Variants in SLC9A3 observed in about 807,000 individuals in gnomAD.
The protein encoded by SLC9A3 is solute carrier family 9 member A3.
SLC9A3 carries 37 observed loss-of-function variants against 86.8 expected under a neutral mutation model. The ratio of observed to expected loss-of-function variants is 0.43; its 90% CI spans 0.33 to 0.56. The LOEUF is 0.56. SLC9A3 is among the 20% of genes least tolerant of loss of function. The pLI is 0.06. For missense variants in SLC9A3, 1,011 were observed against 1,171.9 expected (o/e 0.86, Z 2.00); for synonymous variants, 581 against 528.3 (o/e 1.10, Z -1.37).
At chr5:516,385 G>A (rs1431187265) in intron 1 of SLC9A3, among the ~76,000 whole-genome samples, 1 of 152,130 alleles carries the variant, frequency 6.6e-6, no homozygotes, top group Non-Finnish European at 1.5e-5. Flanking sequence ...GGGCTACCTC[G>A]ATAAGACGGA....
intron 5 of SLC9A3, 25 bp downstream of exon 5, chr5:484,495 G>GCT: frequency 1.2e-6 from 2 of 1,609,968 alleles, no homozygotes; most frequent in Non-Finnish European, 1.7e-6. Context: ...GCGTGGAGAA[G>GCT]CTCGCGTGTG....
rs763891988 is a variant in SLC9A3 at position 482,602 on chromosome 5, C to T, written c.1302G>A (p.Lys434=). 6 of 1,612,888 alleles carry T rather than the reference C, an allele frequency of 3.7e-6. No homozygotes were observed. In the Admixed American group the frequency reaches 5.0e-5, roughly 13 times the overall value. Residue 434 remains lysine (K), a synonymous_variant, in exon 7 of 17, where the codon AAG becomes AAA. Coordinates refer to ENST00000264938, the MANE Select transcript of SLC9A3 (RefSeq NM_004174.4). Reference sequence around the variant, plus strand: ...TGATGGTGGTGCTGACGAACAGGTTCTTCTCCTTGACCTTGTCTCCATCCA... The same window carrying T: ...TGATGGTGGTGCTGACGAACAGGTTTTTCTCCTTGACCTTGTCTCCATCCA... ...VLLDGDKVKE[K]NLFVSTTIIV...
At position 514,290 on chromosome 5, in the gene SLC9A3, A is replaced by G. The variant is rs191022317; in HGVS notation, c.211+9822T>C. 2.1e-3 allele frequency among the ~76,000 whole-genome samples: 319 copies of G among 152,110 alleles called. 1 individual carries two copies. The highest frequency in any genetic ancestry group is 4.8e-3 in the Admixed American group (73 of 15,296). The stretch of plus-strand genomic sequence containing the variant: ...TTCACACACTCCCTCTTCCTCCCTG[A>G]CCTGAGGTCTCCCAGGCTCTGTGCC... On this transcript the variant is annotated intron_variant, in intron 1 of 16. Coordinates refer to ENST00000264938, the MANE Select transcript of SLC9A3 (RefSeq NM_004174.4).
rs1489890557 is a variant in SLC9A3, at chr5:482,583, T to C, written c.1321A>G (p.Thr441Ala). Residue 441 changes from threonine (T) to alanine (A), a missense_variant, in exon 7 of 17, where the codon ACC becomes GCC. Coordinates refer to ENST00000264938, the MANE Select transcript of SLC9A3 (RefSeq NM_004174.4). The stretch of plus-strand genomic sequence containing the variant: ...ACGGTGAAGAACACTACGATGATGG[T>C]GGTGCTGACGAACAGGTTCTTCTCC... ...VKEKNLFVSTTIIVVFFTVIF... is the reference protein window; with the variant it reads ...VKEKNLFVSTAIIVVFFTVIF... 1 of 1,612,808 alleles carries C rather than the reference T, an allele frequency of 6.2e-7. No individual in the cohort carries two copies. Among genetic ancestry groups the C allele is most frequent in the Non-Finnish European group, 8.5e-7 (1 of 1,179,858 alleles).
At chr5:475,788 A>G in intron 14 of SLC9A3, 117 bp from the exon 15 acceptor site, 3 of 714,238 alleles carry the variant, frequency 4.2e-6, no homozygotes, top group Middle Eastern at 2.5e-4. Flanking sequence ...ACCCACAGAG[A>G]GGAGGGCTAA....
chr5:482,495 G>A lies in SLC9A3; in HGVS notation c.1356+53C>T. On this transcript the variant is annotated intron_variant, in intron 7 of 16. Transcript: ENST00000264938. The stretch of plus-strand genomic sequence containing the variant: ...TGCTTGTCCTGAAGTGCGGGCCCAG[G>A]CTCCCCTCGCGGGCGGGGCCGAGAC... The A allele has an allele frequency of 2.8e-6, 4 of 1,451,564 alleles. No homozygotes were observed. In the South Asian group the frequency reaches 4.8e-5, roughly 17 times the overall value. 89.9% of individuals were successfully genotyped at this position (1,451,564 alleles called of 1,614,324 possible). A position where few individuals can be genotyped will look rare whatever the true frequency, so the allele number is the denominator to read the frequency against.
In SLC9A3 at chr5:472,557, G is replaced by A. The variant is rs1738420844; in HGVS notation, c.*822C>T. 5.7e-6 allele frequency: 2 copies of A among 348,726 alleles called. No homozygotes were observed. Among genetic ancestry groups the A allele is most frequent in the East Asian group, 9.3e-5 (1 of 10,784 alleles). The allele number at this position is 348,726 out of a possible 1,614,324, so 21.6% of individuals were successfully genotyped here. ...TCTGTGGGGACGGGCCGTGTCCGGG[G>A]CCGCCACCCTGAGACCGGGCGCGGG... On this transcript the variant is annotated 3_prime_UTR_variant, in exon 17 of 17. Coordinates refer to ENST00000264938, the MANE Select transcript of SLC9A3 (RefSeq NM_004174.4).
intron 1 of SLC9A3, among the ~76,000 whole-genome samples, chr5:494,484 C>T (rs910325359): frequency 2.6e-5 from 4 of 152,242 alleles, no homozygotes; most frequent in African/African-American, 7.2e-5. Flanking sequence ...ACACTAAGGG[C>T]TCCGAGGCCT....
chr5:476,581 G>A lies in SLC9A3; in HGVS notation c.1852C>T (p.His618Tyr). 6.2e-7 allele frequency: 1 copy of A among 1,611,458 alleles called. No individual in the cohort carries two copies. Among genetic ancestry groups the A allele is most frequent in the Non-Finnish European group, 8.5e-7 (1 of 1,179,874 alleles). Residue 618 changes from histidine (H) to tyrosine (Y), a missense_variant, in exon 12 of 17, where the codon CAC (histidine) becomes TAC (tyrosine). Coordinates refer to ENST00000264938, the MANE Select transcript of SLC9A3 (RefSeq NM_004174.4). ...IRDAEDMVTHHTLQQYLYKPR... is the reference protein window; with the variant it reads ...IRDAEDMVTHYTLQQYLYKPR... ...TTGTACAGGTACTGCTGTAGCGTGT[G>A]GTGCGTGACCATGTCCTCCGCGTCC...
At chr5:523,953 C>A (rs937300502) in intron 1 of SLC9A3, among the ~76,000 whole-genome samples, 159 bp downstream of exon 1, 2 of 152,064 alleles carry the variant, frequency 1.3e-5, no homozygotes, top group African/African-American at 4.8e-5. Flanking sequence ...CGGCCAGAGT[C>A]GCTCCCGAGT....
At position 497,997 on chromosome 5, in the gene SLC9A3, C is replaced by T. The variant is rs1156263409; in HGVS notation, c.212-5926G>A. ...CTCGCTTGTGGGAGTCCCTGCCTCACGGATGCCGGCCTCCTGCCTCGGCCA... is the reference window on the plus strand; with the variant it reads ...CTCGCTTGTGGGAGTCCCTGCCTCATGGATGCCGGCCTCCTGCCTCGGCCA... On this transcript the variant is annotated intron_variant, in intron 1 of 16. Coordinates refer to ENST00000264938, the MANE Select transcript of SLC9A3 (RefSeq NM_004174.4). The surrounding 1 kb of genome is among the most constrained non-coding windows in gnomAD (Gnocchi z 5.4). 2.6e-5 allele frequency among the ~76,000 whole-genome samples: 4 copies of T among 152,250 alleles called. No individual in the cohort carries two copies. The highest frequency in any genetic ancestry group is 4.4e-5 in the Non-Finnish European group (3 of 68,050).
intron 1 of SLC9A3, among the ~76,000 whole-genome samples, chr5:507,163 C>CTGCTTTTTTTTTTT (rs1553999262): frequency 2.9e-5 from 1 of 34,738 alleles, no homozygotes; most frequent in Non-Finnish European, 5.6e-5. Context: ...CCGGCTGCTG[C>CTGCTTTTTTTTTTT]TTCTTTTTTT....
rs774271919 is a variant in SLC9A3 at position 482,515 on chromosome 5, C to A, written c.1356+33G>T. On this transcript the variant is annotated intron_variant, in intron 7 of 16. Coordinates refer to ENST00000264938, the MANE Select transcript of SLC9A3 (RefSeq NM_004174.4). ...CCCAGGCTCCCCTCGCGGGCGGGGC[C>A]GAGACCCCAGGGCTGGCTGGGCTGG... 3 of 1,569,522 alleles carry A rather than the reference C, an allele frequency of 1.9e-6. No homozygotes were observed. In the Admixed American group the frequency reaches 5.1e-5, roughly 27 times the overall value.
In SLC9A3 at chr5:473,272, G is replaced by T. The variant is rs1007794840; in HGVS notation, c.*107C>A. On this transcript the variant is annotated 3_prime_UTR_variant, in exon 17 of 17. Transcript: ENST00000264938. ...GAGGCGGGGCTCGGGGCTCGCGGTC[G>T]CTGTAGCCGCGCGGGGATCTGGGGT... 10 of 1,184,730 alleles carry T rather than the reference G, an allele frequency of 8.4e-6. No homozygotes were observed. Among genetic ancestry groups the T allele is most frequent in the African/African-American group, 3.3e-5 (2 of 60,214 alleles). The allele number at this position is 1,184,730 out of a possible 1,614,324, so 73.4% of individuals were successfully genotyped here.
At chr5:502,176 C>T (rs78623406) in intron 1 of SLC9A3, among the ~76,000 whole-genome samples, 11 of 152,256 alleles carry the variant, frequency 7.2e-5, no homozygotes, top group South Asian at 2.1e-4. Flanking sequence ...CCTGAGCAAC[C>T]GCGCTGGGGC....
In SLC9A3 at chr5:484,537, C is replaced by T. The variant is rs149222138; in HGVS notation, c.915G>A (p.Ser305=). ...YLSYLTSEML[S]LSAILAITFC... ...GGACTCACGCGAGGATGGCCGACAG[C>T]GACAGCATCTCGGACGTCAGGTAGG... The change falls in exon 5 of 17, where the codon TCG becomes TCA. Residue 305 remains serine (S), a synonymous_variant. Coordinates refer to ENST00000264938, the MANE Select transcript of SLC9A3 (RefSeq NM_004174.4). 1,742 of 1,612,916 alleles carry T rather than the reference C, an allele frequency of 1.1e-3. 4 individuals carry two copies. Among genetic ancestry groups the T allele is most frequent in the Non-Finnish European group, 1.3e-3 (1,550 of 1,179,932 alleles).
chr5:477,177 AG>A, intron 11 of SLC9A3, 154 bp downstream of exon 11: 1 of 590,504 alleles, frequency 1.7e-6, no homozygotes. Flanking sequence ...CTAATATAGG[AG>A]GGCTTGTGGA....
intron 3 of SLC9A3, among the ~76,000 whole-genome samples, chr5:485,442 G>T (rs1162014750): frequency 2.6e-5 from 4 of 152,238 alleles, no homozygotes; most frequent in African/African-American, 9.6e-5. Context: ...GTTCTGGAGG[G>T]GACCAGAAGC....
At chr5:509,999 G>A (rs144548350) in intron 1 of SLC9A3, among the ~76,000 whole-genome samples, 3,227 of 152,346 alleles carry the variant, frequency 0.021, 54 homozygotes, top group Non-Finnish European at 0.032. Context: ...GGATGGGGGA[G>A]GCTTCGGGAG....
Sources: gnomAD v4.1 joint callset for allele counts (sites outside exome capture counted in the v4.1 genomes callset) on GRCh38, gnomAD v4.1.1 for gene constraint, Gnocchi (gnomAD v3.1) non-coding constraint, MANE v1.5 for transcripts, NCBI Gene and HGNC (gene_info 2026-07-23, HGNC 2026-07-21) for gene names.